Variants in DCUN1D4 observed in about 807,000 individuals in gnomAD.
The protein encoded by DCUN1D4 is DCN1-like protein 4.
DCUN1D4 carries 22 observed loss-of-function variants against 47.9 expected under a neutral mutation model. The ratio of observed to expected loss-of-function variants is 0.46; its 90% CI spans 0.33 to 0.66. The LOEUF (loss-of-function observed/expected upper bound fraction) is 0.66, where lower values mean the gene tolerates loss of function less well. Ranked by LOEUF, DCUN1D4 falls within the 30% of genes least tolerant of loss-of-function variation. The pLI is 0.02. For synonymous variants in DCUN1D4, 121 were observed against 112.2 expected (o/e 1.08, Z -0.50); for missense variants, 301 against 340.8 (o/e 0.88, Z 0.92).
intron 3 of DCUN1D4, among the ~76,000 whole-genome samples, chr4:51,869,063 G>T (rs1293670310): frequency 6.8e-6 from 1 of 147,636 alleles, no homozygotes; most frequent in Non-Finnish European, 1.5e-5. Context: ...GGCCGAGGTT[G>T]CAGTGAGCTG....
chr4:51,877,825 G>A lies in DCUN1D4; in HGVS notation c.314G>A (p.Arg105Lys). Residue 105 changes from arginine (R) to lysine (K), a missense_variant, in exon 5 of 11, where the codon AGG becomes AAG. Coordinates refer to ENST00000334635, the MANE Select transcript of DCUN1D4 (RefSeq NM_001040402.3). ...GAAGAAGAAGCCTTTTCAAGTAAAA[G>A]GTGCTTGGAATGGTTCTATGAATAT... Reference protein sequence around the residue: ...KTEEEAFSSKRCLEWFYEYAG... With the variant: ...KTEEEAFSSKKCLEWFYEYAG... 6.2e-7 allele frequency: 1 copy of A among 1,612,012 alleles called. No homozygotes were observed. The highest frequency in any genetic ancestry group is 8.5e-7 in the Non-Finnish European group (1 of 1,178,980).
At chr4:51,853,117 C>G (rs1723610311) in intron 1 of DCUN1D4, among the ~76,000 whole-genome samples, 1 of 152,120 alleles carries the variant, frequency 6.6e-6, no homozygotes, top group South Asian at 2.1e-4. Context: ...GACTGAGTCC[C>G]TTGGGATAGC....
At chr4:51,839,186 A>AGAAG (rs35432661), upstream of DCUN1D4, among the ~76,000 whole-genome samples, 52,157 of 141,268 alleles carry the variant, frequency 0.37, 11,658 homozygotes, top group African/African-American at 0.64. Flanking sequence ...GGAAGAAAGG[A>AGAAG]GAAGGAAGGA....
chr4:51,908,014 T>C (rs1254543150), intron 8 of DCUN1D4, among the ~76,000 whole-genome samples: 4 of 152,206 alleles, frequency 2.6e-5, no homozygotes. Flanking sequence ...TAATAAAATT[T>C]CACTGTTCTC....
At chr4:51,907,491 G>A (rs1416957044) in intron 8 of DCUN1D4, among the ~76,000 whole-genome samples, 5 of 152,144 alleles carry the variant, frequency 3.3e-5, no homozygotes, top group Admixed American at 2.6e-4. Flanking sequence ...GCCTCAATTG[G>A]AACACCATGA....
chr4:51,863,614 T>A, intron 2 of DCUN1D4, 56 bp from the exon 3 acceptor site: 3 of 1,597,096 alleles, frequency 1.9e-6, no homozygotes, highest in Non-Finnish European at 2.6e-6. Flanking sequence ...ATCAGTTGTT[T>A]ATGAAAATGC....
chr4:51,834,114 C>CTTTTTTTTTTTTTTTTTTTTTTTTTTTT, the DCUN1D4 span, among the ~76,000 whole-genome samples: 11 of 37,204 alleles, frequency 3.0e-4, no homozygotes, highest in African/African-American at 1.2e-3. Context: ...TTTTTTTTTT[C>CTTTTTTTTTTTTTTTTTTTTTTTTTTTT]TTTTTTTTTT....
chr4:51,877,465 C>T lies in DCUN1D4; in HGVS notation c.252-298C>T, dbSNP rs183712379. 1,334 of 178,718 alleles carry T rather than the reference C, an allele frequency of 7.5e-3. 8 individuals are homozygous for T. Among genetic ancestry groups the T allele is most frequent in the Non-Finnish European group, 0.013 (1,083 of 85,498 alleles). 11.1% of individuals were successfully genotyped at this position (178,718 alleles called of 1,614,324 possible). On this transcript the variant is annotated intron_variant, in intron 4 of 10. Coordinates refer to ENST00000334635, the MANE Select transcript of DCUN1D4 (RefSeq NM_001040402.3). ...CATATCTCACCATTATTTTGTAGTT[C>T]TGGCTGGTGAGGTAGAAGGGAGTAT...
At position 51,887,132 on chromosome 4, in the gene DCUN1D4, C is replaced by G. The variant is rs371618391; in HGVS notation, c.414+494C>G. 8.9e-6 allele frequency: 4 copies of G among 451,826 alleles called. No individual in the cohort carries two copies. In the East Asian group the frequency reaches 2.8e-4, roughly 32 times the overall value. 28.0% of individuals were successfully genotyped at this position (451,826 alleles called of 1,614,324 possible). A position where few individuals can be genotyped will look rare whatever the true frequency, so the allele number is the denominator to read the frequency against. ...CTTTTTTTTTTTTGAGATGGAGTCT[C>G]GCACTGTCGCCAGGCTGGAGTGCAA... On this transcript the variant is annotated intron_variant, in intron 6 of 10. Coordinates refer to ENST00000334635, the MANE Select transcript of DCUN1D4 (RefSeq NM_001040402.3).
intron 3 of DCUN1D4, among the ~76,000 whole-genome samples, chr4:51,873,590 G>T (rs1467409929): frequency 6.6e-6 from 1 of 152,118 alleles, no homozygotes; most frequent in Non-Finnish European, 1.5e-5. Context: ...TTAAGAACAG[G>T]GCCTGGTTCA....
At chr4:51,843,803 G>GT (rs1471440231) in intron 1 of DCUN1D4, 1 of 77,248 alleles carries the variant, frequency 1.3e-5, no homozygotes, top group African/African-American at 7.0e-5. Context: ...TGGCGGGGGG[G>GT]TGGGGGGGGG....
the DCUN1D4 span, among the ~76,000 whole-genome samples, chr4:51,836,808 T>A: frequency 6.6e-6 from 1 of 152,186 alleles, no homozygotes; most frequent in African/African-American, 2.4e-5. Context: ...TCTCCCAGAA[T>A]GCTTCACTTT....
upstream of DCUN1D4, among the ~76,000 whole-genome samples, chr4:51,840,693 G>A (rs537437446): frequency 2.6e-3 from 394 of 152,282 alleles, 1 homozygote; most frequent in Middle Eastern, 0.01. Context: ...TAGGTGCTAG[G>A]CAAGTAAAAA....
chr4:51,843,646 C>A, intron 1 of DCUN1D4: 1 of 1,217,694 alleles, frequency 8.2e-7, no homozygotes, highest in Non-Finnish European at 1.0e-6. Flanking sequence ...GGGGGTGGCA[C>A]CGGCGGGGAG....
chr4:51,891,660 C>T (rs1004134800), intron 6 of DCUN1D4, 100 bp from the exon 7 acceptor site: 9 of 883,052 alleles, frequency 1.0e-5, no homozygotes, highest in African/African-American at 6.9e-5. Flanking sequence ...TGAACAGAAG[C>T]ATTTAGCAAA....
chr4:51,881,789 T>C (rs1036273508), intron 5 of DCUN1D4, among the ~76,000 whole-genome samples: 5 of 152,038 alleles, frequency 3.3e-5, no homozygotes, highest in Admixed American at 3.3e-4. Context: ...ATTCTACAGG[T>C]AAATTTAGTG....
chr4:51,866,852 G>C (rs576641208), intron 3 of DCUN1D4, among the ~76,000 whole-genome samples: 2 of 152,306 alleles, frequency 1.3e-5, no homozygotes, highest in African/African-American at 4.8e-5. Context: ...TTGGGGTGTT[G>C]CTTTGCCAGC....
chr4:51,844,888 A>G (rs1215577278), intron 1 of DCUN1D4: 2 of 985,038 alleles, frequency 2.0e-6, no homozygotes, highest in African/African-American at 1.8e-5. Flanking sequence ...CTGCTCGGCC[A>G]ACTCGTGCTT....
intron 4 of DCUN1D4, among the ~76,000 whole-genome samples, chr4:51,875,788 C>T (rs1727579407): frequency 2.0e-5 from 3 of 152,224 alleles, no homozygotes; most frequent in Admixed American, 2.0e-4. Context: ...CATATATCAG[C>T]ATATCATTCT....
Sources: allele counts gnomAD v4.1 joint callset (sites outside exome capture counted in the v4.1 genomes callset), GRCh38; gene constraint gnomAD v4.1.1; transcripts MANE v1.5; gene names NCBI Gene and HGNC (gene_info 2026-07-23, HGNC 2026-07-21).